The following CDH2 variants were observed in gnomAD, a reference collection of about 807,000 sequenced individuals.
CDH2 encodes cadherin 2.
In CDH2, 17 loss-of-function variants were observed where a neutral mutation model predicts 92.0. That is an observed-to-expected ratio of 0.18 (90% CI 0.13 to 0.28). The LOEUF is 0.28. CDH2 is among the 10% of genes least tolerant of loss of function. The pLI is 1.00. For synonymous variants in CDH2, 419 were observed against 415.9 expected (o/e 1.01, Z -0.09); for missense variants, 862 against 1,133.1 (o/e 0.76, Z 3.44).
At chr18:28,047,230 G>A (rs1300808610) in intron 2 of CDH2, among the ~76,000 whole-genome samples, 1 of 152,156 alleles carries the variant, frequency 6.6e-6, no homozygotes, top group East Asian at 1.9e-4. Context: ...AAGCTTGCTA[G>A]AAGCCAAAAA....
At chr18:28,123,173 A>G (rs1598491073) in intron 2 of CDH2, among the ~76,000 whole-genome samples, 1 of 152,184 alleles carries the variant, frequency 6.6e-6, no homozygotes, top group Non-Finnish European at 1.5e-5. Context: ...AAACTGCTTA[A>G]AAGTCTCACT....
intron 2 of CDH2, among the ~76,000 whole-genome samples, chr18:28,137,178 A>C (rs1480410967): frequency 6.6e-6 from 1 of 152,216 alleles, no homozygotes; most frequent in African/African-American, 2.4e-5. Flanking sequence ...CCTTCAACTC[A>C]GGTGAAATAA....
At chr18:28,008,593 C>T (rs762322965) in intron 5 of CDH2, among the ~76,000 whole-genome samples, 2 of 151,644 alleles carry the variant, frequency 1.3e-5, no homozygotes, top group African/African-American at 2.4e-5. Flanking sequence ...TGGGGCCTGT[C>T]GTGGGGTGGG....
intron 2 of CDH2, among the ~76,000 whole-genome samples, chr18:28,023,560 A>C (rs2013467063): frequency 6.6e-6 from 1 of 152,118 alleles, no homozygotes; most frequent in Admixed American, 6.6e-5. Context: ...CCTGGGATCA[A>C]GTGATCCACC....
intron 2 of CDH2, among the ~76,000 whole-genome samples, chr18:28,017,749 T>A (rs983955608): frequency 6.6e-6 from 1 of 152,054 alleles, no homozygotes; most frequent in Non-Finnish European, 1.5e-5. Flanking sequence ...AAAATTGGCA[T>A]AGAAGGGACA....
At chr18:28,131,683 G>GGTGGGTGTGTGT (rs1555645015) in intron 2 of CDH2, among the ~76,000 whole-genome samples, 1 of 150,196 alleles carries the variant, frequency 6.7e-6, no homozygotes, top group Admixed American at 6.7e-5. Context: ...AAGCATTTGT[G>GGTGGGTGTGTGT]GTGTGTGTGT....
intron 14 of CDH2, among the ~76,000 whole-genome samples, chr18:27,973,408 A>G (rs2143919331): frequency 6.6e-6 from 1 of 152,324 alleles, no homozygotes; most frequent in South Asian, 2.1e-4. Flanking sequence ...AGACTTTAGT[A>G]TCACAGAAAG....
chr18:28,032,536 A>AC (rs2013724137), intron 2 of CDH2, among the ~76,000 whole-genome samples: 1 of 152,160 alleles, frequency 6.6e-6, no homozygotes, highest in Non-Finnish European at 1.5e-5. Context: ...TATACTCTGA[A>AC]CAGGATAAGT....
At chr18:28,050,010 T>A (rs1284433790) in intron 2 of CDH2, among the ~76,000 whole-genome samples, 1 of 152,148 alleles carries the variant, frequency 6.6e-6, no homozygotes, top group African/African-American at 2.4e-5. Flanking sequence ...AAAGAACATG[T>A]TCTGCCTACC....
chr18:27,993,673 T>C (rs2012497019), intron 7 of CDH2, 36 bp from the exon 8 acceptor site: 1 of 1,489,918 alleles, frequency 6.7e-7, no homozygotes. Flanking sequence ...TAAATGAAAC[T>C]AATTCCTCAA....
chr18:28,128,615 G>C (rs895605794), intron 2 of CDH2, among the ~76,000 whole-genome samples: 1 of 151,902 alleles, frequency 6.6e-6, no homozygotes, highest in Admixed American at 6.6e-5. Context: ...GAGCTCAGAA[G>C]GTCAAGGCTG....
At chr18:28,003,217 G>T (rs943961508) in intron 6 of CDH2, 48 bp from the exon 7 acceptor site, 1 of 1,437,812 alleles carries the variant, frequency 7.0e-7, no homozygotes, top group Non-Finnish European at 9.7e-7. Flanking sequence ...TCATTCCAGG[G>T]ACCCCAAAAT....
chr18:28,003,896 TAG>T (rs1341277887), intron 6 of CDH2, among the ~76,000 whole-genome samples: 1 of 152,210 alleles, frequency 6.6e-6, no homozygotes, highest in Non-Finnish European at 1.5e-5. Context: ...AGTTACTGTT[TAG>T]AGTGGTTTGT....
intron 2 of CDH2, among the ~76,000 whole-genome samples, chr18:28,086,636 G>A (rs1047892764): frequency 6.6e-6 from 1 of 152,090 alleles, no homozygotes; most frequent in Non-Finnish European, 1.5e-5. Context: ...AATTACAAAT[G>A]TATGTTTTTG....
chr18:28,054,659 T>C (rs1451422195), intron 2 of CDH2, among the ~76,000 whole-genome samples: 1 of 152,182 alleles, frequency 6.6e-6, no homozygotes, highest in Admixed American at 6.5e-5. Context: ...GTATTCTCTA[T>C]GACCTGGACT....
intron 2 of CDH2, among the ~76,000 whole-genome samples, chr18:28,021,905 A>T (rs1363690868): frequency 6.6e-6 from 1 of 152,034 alleles, no homozygotes; most frequent in Non-Finnish European, 1.5e-5. Flanking sequence ...GCTATTTTCA[A>T]AGGCATTGAG....
chr18:27,993,661 CTT>C (rs748515030), intron 7 of CDH2, 24 bp from the exon 8 acceptor site: 1 of 1,547,526 alleles, frequency 6.5e-7, no homozygotes, highest in Admixed American at 1.7e-5. Flanking sequence ...AAGATAAGAA[CTT>C]AAATGAAACT....
intron 2 of CDH2, among the ~76,000 whole-genome samples, chr18:28,024,158 C>T (rs2013487067): frequency 6.6e-6 from 1 of 152,122 alleles, no homozygotes; most frequent in East Asian, 1.9e-4. Context: ...ATGCAAGTAG[C>T]TTCACTTCAT....
chr18:28,023,448 C>T (rs1268955329), intron 2 of CDH2, among the ~76,000 whole-genome samples: 2 of 152,110 alleles, frequency 1.3e-5, no homozygotes, highest in Non-Finnish European at 2.9e-5. Context: ...TTCAGCCTCC[C>T]AAGTAGCTGG....
Sources: allele counts gnomAD v4.1 joint callset (sites outside exome capture counted in the v4.1 genomes callset), GRCh38; gene constraint gnomAD v4.1.1; transcripts MANE v1.5; gene names NCBI Gene and HGNC (gene_info 2026-07-23, HGNC 2026-07-21).